Variants in KCNIP4 observed in about 807,000 individuals in gnomAD.
KCNIP4 encodes the protein potassium voltage-gated channel interacting protein 4, also known as Kv channel-interacting protein 4.
In KCNIP4, 12 loss-of-function variants were observed where a neutral mutation model predicts 34.0. The observed-to-expected ratio is 0.35, with a 90% CI of 0.23 to 0.57. The LOEUF (loss-of-function observed/expected upper bound fraction) is 0.57. Ranked by LOEUF, KCNIP4 falls within the 20% of genes least tolerant of loss-of-function variation. The pLI is 0.83. For missense variants in KCNIP4, 238 were observed against 311.7 expected (o/e 0.76, Z 1.78); for synonymous variants, 124 against 102.2 (o/e 1.21, Z -1.29).
intron 1 of KCNIP4, among the ~76,000 whole-genome samples, chr4:21,389,086 G>C (rs1446026515): frequency 6.6e-6 from 1 of 151,694 alleles, no homozygotes; most frequent in Non-Finnish European, 1.5e-5. Context: ...CCTGGGCTCA[G>C]GTGATCCTCC....
intron 3 of KCNIP4, among the ~76,000 whole-genome samples, chr4:20,778,189 T>C (rs1756544574): frequency 6.6e-6 from 1 of 152,210 alleles, no homozygotes; most frequent in South Asian, 2.1e-4. Flanking sequence ...GGCTTGCATC[T>C]AGTCTCCACT....
intron 2 of KCNIP4, among the ~76,000 whole-genome samples, chr4:20,869,926 C>T (rs1353499377): frequency 1.3e-5 from 2 of 151,830 alleles, no homozygotes; most frequent in South Asian, 2.1e-4. Flanking sequence ...AGGGGAAGAG[C>T]AATGGAACCT....
At chr4:20,771,261 C>G (rs988376051) in intron 3 of KCNIP4, among the ~76,000 whole-genome samples, 2 of 152,064 alleles carry the variant, frequency 1.3e-5, no homozygotes, top group African/African-American at 4.8e-5. Context: ...TTAAAAAAAT[C>G]TATTCTCTCC....
chr4:21,906,851 C>G (rs958622739), intron 1 of KCNIP4, among the ~76,000 whole-genome samples: 2 of 152,080 alleles, frequency 1.3e-5, no homozygotes, highest in Non-Finnish European at 2.9e-5. Context: ...CAAAGCAAAA[C>G]AGTATCATTT....
At chr4:21,458,362 A>G (rs1403151220) in intron 1 of KCNIP4, among the ~76,000 whole-genome samples, 4 of 151,762 alleles carry the variant, frequency 2.6e-5, no homozygotes, top group African/African-American at 7.3e-5. Flanking sequence ...CATGGTGTAT[A>G]TGTGCCACAT....
Position 20,926,371 on chromosome 4 carries a change from A to G in KCNIP4, c.62-43662T>C, listed in dbSNP as rs75350868. 9.6e-3 allele frequency among the ~76,000 whole-genome samples: 1,455 copies of G among 152,342 alleles called. 18 individuals carry two copies. Among genetic ancestry groups the G allele is most frequent in the African/African-American group, 0.033 (1,374 of 41,586 alleles). ...ATCCCCTCCCCTTCTCTGGGCAAAA[A>G]CAGGTGAAAGATTGGACAATAGATT... is the stretch of plus-strand genomic sequence containing the variant. On this transcript the variant is annotated intron_variant, in intron 1 of 8. Transcript: ENST00000382152.
chr4:20,743,267 T>C (rs1224115002), intron 5 of KCNIP4, among the ~76,000 whole-genome samples: 4 of 152,142 alleles, frequency 2.6e-5, no homozygotes, highest in Non-Finnish European at 5.9e-5. Flanking sequence ...TGGAAAAAAC[T>C]ACTTTAAAGT....
intron 1 of KCNIP4, among the ~76,000 whole-genome samples, chr4:21,459,819 T>C (rs189310099): frequency 1.3e-5 from 2 of 152,104 alleles, no homozygotes; most frequent in East Asian, 1.9e-4. Flanking sequence ...CCTTAGTAGT[T>C]TTCAGCATAT....
chr4:21,085,495 T>C (rs1038390561), intron 1 of KCNIP4, among the ~76,000 whole-genome samples: 1 of 152,154 alleles, frequency 6.6e-6, no homozygotes, highest in Non-Finnish European at 1.5e-5. Context: ...TATGTATTTC[T>C]CATGGCTTTT....
intron 1 of KCNIP4, among the ~76,000 whole-genome samples, chr4:21,352,911 G>A (rs1370524708): frequency 6.6e-6 from 1 of 152,122 alleles, no homozygotes; most frequent in Admixed American, 6.5e-5. Context: ...GCCCCTCTGG[G>A]ATGAAGCTTC....
chr4:21,296,396 C>T (rs1265426676), intron 1 of KCNIP4, among the ~76,000 whole-genome samples: 2 of 150,968 alleles, frequency 1.3e-5, no homozygotes, highest in Admixed American at 1.3e-4. Flanking sequence ...GCTGTGGTCT[C>T]TCTCTCTCTC....
At chr4:21,770,922 G>A (rs932181537) in intron 1 of KCNIP4, among the ~76,000 whole-genome samples, 1 of 152,034 alleles carries the variant, frequency 6.6e-6, no homozygotes, top group Non-Finnish European at 1.5e-5. Flanking sequence ...TAGTTTCTTT[G>A]CTGTGCAGAA....
In KCNIP4 at chr4:21,350,593, G is replaced by A. The variant is rs183252022; in HGVS notation, c.62-467884C>T. On this transcript the variant is annotated intron_variant, in intron 1 of 8. Coordinates refer to ENST00000382152, the MANE Select transcript of KCNIP4 (RefSeq NM_025221.6). ...ATTATTATGCCCAGTATAAATGGAA[G>A]AGCTCTAATCTACGAGTGGAGGTGA... Among the ~76,000 whole-genome samples, 19 of 152,320 alleles carry A rather than the reference G, an allele frequency of 1.2e-4. No homozygotes were observed. In the East Asian group the frequency reaches 3.7e-3, roughly 29 times the overall value.
At chr4:20,739,976 G>A (rs1234373617) in intron 5 of KCNIP4, among the ~76,000 whole-genome samples, 4 of 152,152 alleles carry the variant, frequency 2.6e-5, no homozygotes, top group Admixed American at 2.6e-4. Context: ...TTTTGATCAA[G>A]TGGAAGAAAG....
At chr4:21,244,866 T>A (rs1760090264) in intron 1 of KCNIP4, among the ~76,000 whole-genome samples, 1 of 152,322 alleles carries the variant, frequency 6.6e-6, no homozygotes, top group African/African-American at 2.4e-5. Context: ...AAGTGAAAAA[T>A]TGAATATTGC....
At chr4:21,515,926 C>T (rs1453726993) in intron 1 of KCNIP4, among the ~76,000 whole-genome samples, 2 of 151,984 alleles carry the variant, frequency 1.3e-5, no homozygotes, top group African/African-American at 4.8e-5. Flanking sequence ...ATTACCCAGT[C>T]TGTGGTATTC....
intron 1 of KCNIP4, among the ~76,000 whole-genome samples, chr4:21,789,070 C>CAA (rs35630701): frequency 0.031 from 2,944 of 93,824 alleles, 204 homozygotes; most frequent in African/African-American, 0.074. Context: ...GAGATTCTGT[C>CAA]AAAAAAAAAA....
At chr4:21,704,853 T>C (rs187878949) in intron 1 of KCNIP4, among the ~76,000 whole-genome samples, 17 of 152,228 alleles carry the variant, frequency 1.1e-4, no homozygotes, top group Admixed American at 2.0e-4. Flanking sequence ...ACCTAGCAAT[T>C]GTACTCCAGA....
At chr4:21,648,018 C>T (rs1001014633) in intron 1 of KCNIP4, among the ~76,000 whole-genome samples, 18 of 151,616 alleles carry the variant, frequency 1.2e-4, no homozygotes, top group African/African-American at 1.9e-4. Flanking sequence ...GGACTACAGA[C>T]GCTCGCCACC....
Sources: gnomAD v4.1 joint callset for allele counts (sites outside exome capture counted in the v4.1 genomes callset) on GRCh38, gnomAD v4.1.1 for gene constraint, MANE v1.5 for transcripts, NCBI Gene and HGNC (gene_info 2026-07-23, HGNC 2026-07-21) for gene names.